MERTK: variants seen among roughly 807,000 people sequenced by gnomAD.
MERTK encodes the protein tyrosine-protein kinase Mer.
MERTK carries 69 observed loss-of-function variants against 99.3 expected under a neutral mutation model. The ratio of observed to expected loss-of-function variants is 0.70; its 90% CI spans 0.57 to 0.85. The LOEUF is 0.85. MERTK is among the 40% of genes least tolerant of loss of function. The pLI is 0.00. For missense variants in MERTK, 1,125 were observed against 1,249.4 expected (o/e 0.90, Z 1.50); for synonymous variants, 426 against 467.6 (o/e 0.91, Z 1.15).
chr2:112,019,010 C>A (rs1677275228), intron 15 of MERTK, among the ~76,000 whole-genome samples: 1 of 108,760 alleles, frequency 9.2e-6, no homozygotes, highest in African/African-American at 3.1e-5. Context: ...AAACATTAGA[C>A]CCCTGACACA....
intron 6 of MERTK, among the ~76,000 whole-genome samples, chr2:111,972,368 C>T (rs1271925540): frequency 6.6e-6 from 1 of 152,172 alleles, no homozygotes; most frequent in East Asian, 1.9e-4. Flanking sequence ...TGGTGAGCTT[C>T]AGGGAGACTC....
At chr2:111,979,183 A>G (rs1676317933) in intron 7 of MERTK, among the ~76,000 whole-genome samples, 2 of 152,158 alleles carry the variant, frequency 1.3e-5, no homozygotes, top group Non-Finnish European at 2.9e-5. Flanking sequence ...CCCATTCTCA[A>G]TTAGCTTCCA....
At chr2:111,988,179 G>C (rs372258700) in intron 8 of MERTK, among the ~76,000 whole-genome samples, 1 of 152,046 alleles carries the variant, frequency 6.6e-6, no homozygotes, top group East Asian at 1.9e-4. Flanking sequence ...AGAGCTATGT[G>C]CCTGGATGTT....
At chr2:111,971,652 A>G (rs1479293327) in intron 6 of MERTK, among the ~76,000 whole-genome samples, 1 of 152,152 alleles carries the variant, frequency 6.6e-6, no homozygotes, top group East Asian at 1.9e-4. Flanking sequence ...ATGTTATTTT[A>G]CTGTGTTTGG....
At chr2:112,016,628 C>T (rs1260329777) in intron 15 of MERTK, among the ~76,000 whole-genome samples, 1 of 152,182 alleles carries the variant, frequency 6.6e-6, no homozygotes, top group South Asian at 2.1e-4. Flanking sequence ...GTCTCTGGAG[C>T]TGTGCAGGGC....
At chr2:111,991,616 A>G (rs982222068) in intron 8 of MERTK, among the ~76,000 whole-genome samples, 2 of 152,156 alleles carry the variant, frequency 1.3e-5, no homozygotes, top group African/African-American at 4.8e-5. Flanking sequence ...AAAAAAGTCT[A>G]TGGCAAATCT....
intron 6 of MERTK, among the ~76,000 whole-genome samples, chr2:111,972,052 CAG>C (rs1676132420): frequency 6.6e-6 from 1 of 152,148 alleles, no homozygotes; most frequent in Non-Finnish European, 1.5e-5. Flanking sequence ...TTGTTTGAGA[CAG>C]AGTTTCGCGC....
At chr2:111,997,024 T>C (rs1226331870) in intron 9 of MERTK, 1 of 394,988 alleles carries the variant, frequency 2.5e-6, no homozygotes, top group African/African-American at 2.0e-5. Flanking sequence ...AGTTTTCTCA[T>C]TGATTTTAAA....
intron 4 of MERTK, among the ~76,000 whole-genome samples, chr2:111,962,230 G>T (rs537045986): frequency 6.6e-6 from 1 of 152,138 alleles, no homozygotes; most frequent in Non-Finnish European, 1.5e-5. Context: ...CATTCAGGTC[G>T]GGTGTGGTGG....
At chr2:112,013,660 A>G (rs1206143944) in intron 15 of MERTK, 2 of 154,218 alleles carry the variant, frequency 1.3e-5, no homozygotes, top group Non-Finnish European at 2.9e-5. Flanking sequence ...TGAAAGCAGG[A>G]TTGGCCCCCA....
In MERTK at chr2:111,966,541, A is replaced by G. The variant is rs553635702; in HGVS notation, c.844+1264A>G. On this transcript the variant is annotated intron_variant, in intron 5 of 18. Transcript: ENST00000295408. ...TAAACCTCTTAAAATTTAAAAATGT[A>G]TAAAATGAAAAGCACTTCTCCAATT... 9.7e-4 allele frequency among the ~76,000 whole-genome samples: 148 copies of G among 152,350 alleles called. 2 individuals are homozygous for G. The highest frequency in any genetic ancestry group is 3.2e-3 in the African/African-American group (135 of 41,582).
chr2:112,002,438 G>C (rs1676887907), intron 11 of MERTK, among the ~76,000 whole-genome samples: 1 of 152,034 alleles, frequency 6.6e-6, no homozygotes, highest in African/African-American at 2.4e-5. Context: ...TAATAGTAAA[G>C]AATTCACCAG....
At chr2:111,922,092 G>C (rs914510302) in intron 1 of MERTK, among the ~76,000 whole-genome samples, 2 of 152,176 alleles carry the variant, frequency 1.3e-5, no homozygotes, top group Non-Finnish European at 2.9e-5. Context: ...ACAGCATCCT[G>C]GGGTAGCTGG....
At chr2:112,024,485 C>G (rs956622069) in intron 18 of MERTK, among the ~76,000 whole-genome samples, 1 of 152,200 alleles carries the variant, frequency 6.6e-6, no homozygotes, top group Admixed American at 6.5e-5. Flanking sequence ...GGCTCTGTGC[C>G]CTGGGTGTGC....
chr2:111,989,579 T>C (rs933300530), intron 8 of MERTK, among the ~76,000 whole-genome samples: 1 of 152,064 alleles, frequency 6.6e-6, no homozygotes, highest in Non-Finnish European at 1.5e-5. Context: ...ATGGTCTTGA[T>C]CTCCTGACCT....
intron 4 of MERTK, among the ~76,000 whole-genome samples, chr2:111,957,747 G>A (rs1257160639): frequency 1.3e-5 from 2 of 152,176 alleles, no homozygotes; most frequent in African/African-American, 2.4e-5. Context: ...AGAGCAGATA[G>A]AGAGGTCCAA....
intron 8 of MERTK, among the ~76,000 whole-genome samples, chr2:111,988,305 A>G (rs1676530299): frequency 6.6e-6 from 1 of 152,180 alleles, no homozygotes. Context: ...CAAGGTTCTC[A>G]TGGCCAGCCA....
At chr2:111,963,475 C>T (rs1293409397) in intron 4 of MERTK, among the ~76,000 whole-genome samples, 1 of 152,236 alleles carries the variant, frequency 6.6e-6, no homozygotes, top group Non-Finnish European at 1.5e-5. Context: ...AAACCTTGGA[C>T]AATACCTGGC....
At chr2:112,014,164 G>A (rs189152297) in intron 15 of MERTK, among the ~76,000 whole-genome samples, 44 of 152,112 alleles carry the variant, frequency 2.9e-4, no homozygotes, top group African/African-American at 9.9e-4. Context: ...TGGGATTAAA[G>A]GTGCCCGCCA....
Sources: gnomAD v4.1 joint callset for allele counts (sites outside exome capture counted in the v4.1 genomes callset) on GRCh38, gnomAD v4.1.1 for gene constraint, MANE v1.5 for transcripts, NCBI Gene and HGNC (gene_info 2026-07-23, HGNC 2026-07-21) for gene names.